The following CNTN5 variants were observed in gnomAD, a reference collection of about 807,000 sequenced individuals.
CNTN5 encodes contactin-5.
Under a neutral mutation model 129.1 loss-of-function variants are expected in CNTN5, and 77 were observed. The ratio of observed to expected loss-of-function variants is 0.60; its 90% CI spans 0.50 to 0.72. The LOEUF (loss-of-function observed/expected upper bound fraction) is 0.72, where lower values mean the gene tolerates loss of function less well. Ranked by LOEUF, CNTN5 falls within the 30% of genes least tolerant of loss-of-function variation. The pLI, the probability that CNTN5 is intolerant of heterozygous loss-of-function variation, is 0.00. For missense variants in CNTN5, 1,478 were observed against 1,328.8 expected, an observed-to-expected ratio of 1.11 and a Z score of -1.75; for synonymous variants, 509 against 465.6, an observed-to-expected ratio of 1.09 and a Z score of -1.20.
At chr11:99,430,478 T>A (rs1317552951) in intron 2 of CNTN5, among the ~76,000 whole-genome samples, 1 of 149,304 alleles carries the variant, frequency 6.7e-6, no homozygotes, top group Non-Finnish European at 1.5e-5. Context: ...ATAAGAGATT[T>A]ATATATATTT....
At chr11:99,639,259 C>G (rs938584118) in intron 3 of CNTN5, among the ~76,000 whole-genome samples, 1 of 152,158 alleles carries the variant, frequency 6.6e-6, no homozygotes, top group Non-Finnish European at 1.5e-5. Context: ...TGGCTGCACA[C>G]AACACAGAGA....
intron 3 of CNTN5, among the ~76,000 whole-genome samples, chr11:99,769,097 G>A (rs1167083993): frequency 6.6e-6 from 1 of 151,808 alleles, no homozygotes; most frequent in Admixed American, 6.6e-5. Flanking sequence ...TGTATTCAAT[G>A]TGAAATTATA....
chr11:99,150,843 G>A (rs1368196371), intron 1 of CNTN5, among the ~76,000 whole-genome samples: 2 of 152,060 alleles, frequency 1.3e-5, no homozygotes, highest in African/African-American at 4.8e-5. Context: ...TAGTCATGTA[G>A]AAGAAACATT....
At chr11:99,965,319 CA>C (rs1219461807) in intron 8 of CNTN5, among the ~76,000 whole-genome samples, 2 of 152,008 alleles carry the variant, frequency 1.3e-5, no homozygotes, top group Non-Finnish European at 2.9e-5. Flanking sequence ...TTTCCCTATA[CA>C]CACTGCTTTG....
chr11:99,451,798 A>G lies in CNTN5; in HGVS notation c.-70-104347A>G, dbSNP rs951829856. On this transcript the variant is annotated intron_variant, in intron 2 of 24. Transcript: ENST00000524871. ...TTGGAACTAAATTAGTTTTGGACAC[A>G]TAATCTTCTTATGTTTTAATCAGTC... Among the ~76,000 whole-genome samples the G allele has an allele frequency of 2.0e-5, 3 of 152,270 alleles. No homozygotes were observed. In the East Asian group the frequency reaches 5.8e-4, roughly 29 times the overall value.
At chr11:99,170,685 G>A (rs1229385307) in intron 1 of CNTN5, among the ~76,000 whole-genome samples, 1 of 152,132 alleles carries the variant, frequency 6.6e-6, no homozygotes, top group African/African-American at 2.4e-5. Flanking sequence ...TCTATTACAA[G>A]TGATTTGTAA....
chr11:99,243,801 A>G (rs1308679062), intron 1 of CNTN5, among the ~76,000 whole-genome samples: 1 of 116,034 alleles, frequency 8.6e-6, no homozygotes, highest in Non-Finnish European at 1.8e-5. Context: ...TGGGTTGTCT[A>G]TGCTGTTCTA....
At chr11:100,207,141 T>A (rs1948932479) in intron 15 of CNTN5, among the ~76,000 whole-genome samples, 1 of 152,118 alleles carries the variant, frequency 6.6e-6, no homozygotes. Context: ...AACAGATAGA[T>A]GGACCTTTAA....
chr11:100,180,987 A>G (rs1453003206), intron 13 of CNTN5, among the ~76,000 whole-genome samples: 1 of 152,042 alleles, frequency 6.6e-6, no homozygotes, highest in South Asian at 2.1e-4. Context: ...CTTGAAAAAC[A>G]TTTTGGCTGT....
At chr11:99,577,957 T>A (rs1303686476) in intron 3 of CNTN5, among the ~76,000 whole-genome samples, 1 of 150,786 alleles carries the variant, frequency 6.6e-6, no homozygotes, top group African/African-American at 2.4e-5. Flanking sequence ...TAGGTATATC[T>A]CCTAATGCTA....
chr11:100,286,258 C>T (rs1000026789), intron 18 of CNTN5, among the ~76,000 whole-genome samples: 5 of 152,232 alleles, frequency 3.3e-5, no homozygotes, highest in Non-Finnish European at 5.9e-5. Flanking sequence ...CCCACCACAG[C>T]TCAAGGAGGC....
At chr11:99,623,459 T>G (rs1951020926) in intron 3 of CNTN5, among the ~76,000 whole-genome samples, 1 of 152,072 alleles carries the variant, frequency 6.6e-6, no homozygotes, top group Non-Finnish European at 1.5e-5. Context: ...GCTTACATTC[T>G]TAGGAGGTAG....
At chr11:99,850,761 AAAAG>A (rs1433590123) in intron 6 of CNTN5, among the ~76,000 whole-genome samples, 2 of 152,110 alleles carry the variant, frequency 1.3e-5, no homozygotes, top group African/African-American at 4.8e-5. Context: ...TGGTCAGAGC[AAAAG>A]AAAGAAAGAA....
chr11:100,327,514 T>C (rs916903897), intron 21 of CNTN5, among the ~76,000 whole-genome samples: 5 of 152,214 alleles, frequency 3.3e-5, no homozygotes, highest in African/African-American at 1.2e-4. Context: ...CACGGAGTCC[T>C]ATCCCTCAAG....
chr11:99,708,720 CAA>C (rs1226140604), intron 3 of CNTN5, among the ~76,000 whole-genome samples: 1 of 151,650 alleles, frequency 6.6e-6, no homozygotes, highest in African/African-American at 2.4e-5. Context: ...AGCTAAAGGA[CAA>C]AGAGTCCCAG....
At chr11:99,542,309 C>T (rs1175378589) in intron 2 of CNTN5, among the ~76,000 whole-genome samples, 1 of 152,118 alleles carries the variant, frequency 6.6e-6, no homozygotes, top group African/African-American at 2.4e-5. Flanking sequence ...CCAACCTCTT[C>T]CCATGCCTCC....
At chr11:99,147,357 G>C (rs1370505782) in intron 1 of CNTN5, among the ~76,000 whole-genome samples, 1 of 152,028 alleles carries the variant, frequency 6.6e-6, no homozygotes, top group Non-Finnish European at 1.5e-5. Flanking sequence ...AATTATAATG[G>C]AATATCCAAA....
intron 2 of CNTN5, among the ~76,000 whole-genome samples, chr11:99,448,559 C>A (rs981197482): frequency 4.6e-5 from 7 of 151,568 alleles, no homozygotes; most frequent in African/African-American, 1.7e-4. Flanking sequence ...GGTAAAACTG[C>A]AATTTTTTGT....
intron 2 of CNTN5, among the ~76,000 whole-genome samples, chr11:99,391,420 C>G (rs890696623): frequency 1.3e-5 from 2 of 152,058 alleles, no homozygotes; most frequent in African/African-American, 2.4e-5. Flanking sequence ...AATGAGCAAA[C>G]TAATAGATGG....
Sources: gnomAD v4.1 joint callset for allele counts (sites outside exome capture counted in the v4.1 genomes callset) on GRCh38, gnomAD v4.1.1 for gene constraint, MANE v1.5 for transcripts, NCBI Gene and HGNC (gene_info 2026-07-23, HGNC 2026-07-21) for gene names.